FARS2: variants seen among roughly 807,000 people sequenced by gnomAD.
FARS2 encodes phenylalanine--tRNA ligase, mitochondrial.
A neutral mutation model predicts 46.4 loss-of-function variants in FARS2; 40 were observed. That is an observed-to-expected ratio of 0.86 (90% CI 0.67 to 1.12). The LOEUF (loss-of-function observed/expected upper bound fraction) is 1.12, where lower values mean the gene tolerates loss of function less well. FARS2 is among the 50% of genes most tolerant of loss of function. The pLI is 0.00. For synonymous variants in FARS2, 234 were observed against 214.9 expected, an observed-to-expected ratio of 1.09 and a Z score of -0.78; for missense variants, 513 against 567.9, an observed-to-expected ratio of 0.90 and a Z score of 0.98.
At chr6:5,410,462 G>A (rs769481028) in intron 3 of FARS2, among the ~76,000 whole-genome samples, 8 of 152,016 alleles carry the variant, frequency 5.3e-5, no homozygotes, top group East Asian at 3.9e-4. Context: ...GCACCTGGCC[G>A]CGTTGTTCTA....
chr6:5,729,749 T>G (rs547153774), intron 6 of FARS2, among the ~76,000 whole-genome samples: 243 of 152,362 alleles, frequency 1.6e-3, no homozygotes, highest in Admixed American at 2.7e-3. Context: ...TTTTGTTTTT[T>G]GTATGTTTGC....
chr6:5,672,338 A>G (rs575052927), intron 6 of FARS2, among the ~76,000 whole-genome samples: 1 of 152,126 alleles, frequency 6.6e-6, no homozygotes, highest in Non-Finnish European at 1.5e-5. Flanking sequence ...GTTCAGTCCC[A>G]CCGTGACGCA....
chr6:5,723,499 C>T (rs542031638), intron 6 of FARS2, among the ~76,000 whole-genome samples: 5 of 152,292 alleles, frequency 3.3e-5, no homozygotes, highest in Admixed American at 1.3e-4. Context: ...CGCTCATAGG[C>T]TTGTTGAGAA....
At chr6:5,346,080 C>A (rs943852421) in intron 1 of FARS2, among the ~76,000 whole-genome samples, 1 of 152,206 alleles carries the variant, frequency 6.6e-6, no homozygotes, top group Non-Finnish European at 1.5e-5. Context: ...CCCTGACTAT[C>A]AGGGACGTGC....
At chr6:5,441,564 GTT>G (rs1335737742) in intron 4 of FARS2, among the ~76,000 whole-genome samples, 2 of 152,182 alleles carry the variant, frequency 1.3e-5, no homozygotes, top group African/African-American at 4.8e-5. Flanking sequence ...GTTCATCTGT[GTT>G]GTCATAAGTA....
intron 3 of FARS2, among the ~76,000 whole-genome samples, chr6:5,406,334 G>C (rs1318791541): frequency 6.6e-6 from 1 of 152,138 alleles, no homozygotes; most frequent in Non-Finnish European, 1.5e-5. Context: ...AAGTTTTGAC[G>C]TCTTGCAAGT....
chr6:5,760,418 C>A lies in FARS2; in HGVS notation c.1218-10873C>A, dbSNP rs568616045. Among the ~76,000 whole-genome samples the A allele has an allele frequency of 2.0e-5, 3 of 152,254 alleles. No homozygotes were observed. The South Asian group carries it at 6.2e-4, about 32-fold the overall frequency. ...CCATTCATTTAACATCTCAGTAGTT[C>A]TCTCTTATTTGCCAGGAATGAGACC... On this transcript the variant is annotated intron_variant, in intron 6 of 6. Coordinates refer to ENST00000274680, the MANE Select transcript of FARS2 (RefSeq NM_006567.5).
At chr6:5,258,001 G>T (rs1244924008), upstream of FARS2, among the ~76,000 whole-genome samples, 1 of 152,180 alleles carries the variant, frequency 6.6e-6, no homozygotes, top group Non-Finnish European at 1.5e-5. Flanking sequence ...TTCAGAGAAG[G>T]TGACAATTGA....
chr6:5,262,678 C>T (rs916541688), intron 1 of FARS2, among the ~76,000 whole-genome samples: 5 of 152,206 alleles, frequency 3.3e-5, no homozygotes, highest in African/African-American at 1.2e-4. Flanking sequence ...GATATTCTTA[C>T]TAATCCTGAT....
chr6:5,379,006 A>AT (rs1759576969), intron 2 of FARS2, among the ~76,000 whole-genome samples: 1 of 152,172 alleles, frequency 6.6e-6, no homozygotes, highest in African/African-American at 2.4e-5. Flanking sequence ...GACAAGATGG[A>AT]AACTATTAGG....
chr6:5,558,101 A>G (rs1202062204), intron 5 of FARS2, among the ~76,000 whole-genome samples: 2 of 152,208 alleles, frequency 1.3e-5, no homozygotes, highest in African/African-American at 4.8e-5. Flanking sequence ...AAATGAAGTC[A>G]AAGTAATTTA....
At position 5,388,434 on chromosome 6, in the gene FARS2, A is replaced by C. The variant is rs1267010935; in HGVS notation, c.613-16108A>C. On this transcript the variant is annotated intron_variant, in intron 2 of 6. Coordinates refer to ENST00000274680, the MANE Select transcript of FARS2 (RefSeq NM_006567.5). Reference sequence around the variant, plus strand: ...GTTCATCGGGGATTAATAATGAAGAATGTTTTTTGGTGACAAGATCGTGTA... The same window carrying C: ...GTTCATCGGGGATTAATAATGAAGACTGTTTTTTGGTGACAAGATCGTGTA... Among the ~76,000 whole-genome samples, 3 of 152,198 alleles carry C rather than the reference A, an allele frequency of 2.0e-5. No individual in the cohort carries two copies. The East Asian group carries it at 5.8e-4, about 29-fold the overall frequency.
chr6:5,353,419 A>AT (rs1266648444), intron 1 of FARS2, among the ~76,000 whole-genome samples: 1 of 152,176 alleles, frequency 6.6e-6, no homozygotes, highest in Non-Finnish European at 1.5e-5. Flanking sequence ...TGCATACTCC[A>AT]TAGTGGGACT....
intron 1 of FARS2, among the ~76,000 whole-genome samples, chr6:5,276,523 T>C (rs1347538776): frequency 2.6e-5 from 4 of 152,246 alleles, no homozygotes; most frequent in Non-Finnish European, 1.5e-5. Flanking sequence ...CAATAATCTG[T>C]GATGACTATG....
chr6:5,340,156 G>A (rs1469449233), intron 1 of FARS2, among the ~76,000 whole-genome samples: 4 of 152,218 alleles, frequency 2.6e-5, no homozygotes, highest in Non-Finnish European at 5.9e-5. Flanking sequence ...TGTTGAGTCT[G>A]CTTTGCTATG....
At chr6:5,291,981 T>C (rs1767537964) in intron 1 of FARS2, among the ~76,000 whole-genome samples, 1 of 152,120 alleles carries the variant, frequency 6.6e-6, no homozygotes, top group Non-Finnish European at 1.5e-5. Context: ...CATTGTTAGA[T>C]AGGTAGACAG....
chr6:5,369,256 C>T (rs1289403413), intron 2 of FARS2, 74 bp downstream of exon 2: 11 of 1,435,956 alleles, frequency 7.7e-6, no homozygotes, highest in East Asian at 6.9e-5. Flanking sequence ...ACATTTAGCT[C>T]GATGAGACCA....
At chr6:5,690,352 T>C (rs1757603112) in intron 6 of FARS2, among the ~76,000 whole-genome samples, 1 of 151,938 alleles carries the variant, frequency 6.6e-6, no homozygotes, top group South Asian at 2.1e-4. Flanking sequence ...TTCCTTTGCA[T>C]GTTTAGTGCT....
At chr6:5,593,462 G>T (rs1231507765) in intron 5 of FARS2, among the ~76,000 whole-genome samples, 1 of 152,132 alleles carries the variant, frequency 6.6e-6, no homozygotes, top group East Asian at 1.9e-4. Flanking sequence ...GAGCCAGTGG[G>T]TGTCTTTTTA....
Sources: gnomAD v4.1 joint callset for allele counts (sites outside exome capture counted in the v4.1 genomes callset) on GRCh38, gnomAD v4.1.1 for gene constraint, MANE v1.5 for transcripts, NCBI Gene and HGNC (gene_info 2026-07-23, HGNC 2026-07-21) for gene names.